The following PRMT2 variants were observed in gnomAD, a reference collection of about 807,000 sequenced individuals.
PRMT2 encodes the protein protein arginine N-methyltransferase 2.
In PRMT2, 26 loss-of-function variants were observed where a neutral mutation model predicts 57.6. The observed-to-expected ratio is 0.45, with a 90% CI of 0.33 to 0.63. The LOEUF is 0.63. Ranked by LOEUF, PRMT2 falls within the 20% of genes least tolerant of loss-of-function variation. PRMT2 has a pLI of 0.02. For missense variants in PRMT2, 472 were observed against 564.4 expected, an observed-to-expected ratio of 0.84 and a Z score of 1.66; for synonymous variants, 219 against 220.0, an observed-to-expected ratio of 1.00 and a Z score of 0.04.
rs1046801719 is a variant in PRMT2 at position 46,649,918 on chromosome 21, G to A, written c.654+179G>A. On this transcript the variant is annotated intron_variant, in intron 7 of 11. Coordinates refer to ENST00000355680, the MANE Select transcript of PRMT2 (RefSeq NM_206962.4). The surrounding 1 kb of genome is among the most constrained non-coding windows in gnomAD (Gnocchi z 4.8). ...GGCTCAGTGTCTTGAATTTTCACCT[G>A]ATTTAAAAAATGCCTTTATGAGAAA... 1.2e-5 allele frequency: 17 copies of A among 1,450,210 alleles called. No homozygotes were observed. Among genetic ancestry groups the A allele is most frequent in the African/African-American group, 1.4e-5 (1 of 69,766 alleles). 89.8% of individuals were successfully genotyped at this position (1,450,210 alleles called of 1,614,324 possible).
chr21:46,652,550 T>C, intron 7 of PRMT2: 1 of 985,454 alleles, frequency 1.0e-6, no homozygotes, highest in African/African-American at 1.7e-5. Context: ...AGTTTTGACC[T>C]GGGAAGTTGG....
chr21:46,664,655 A>T lies in PRMT2; in HGVS notation c.*328A>T, dbSNP rs757260295. On this transcript the variant is annotated 3_prime_UTR_variant, in exon 12 of 12. Transcript: ENST00000355680. ...GTTCCTAAGCTAGGTCTAGGTCTACACTCCTAGGACGCACGCATATCAGCC... is the reference window on the plus strand; with the variant it reads ...GTTCCTAAGCTAGGTCTAGGTCTACTCTCCTAGGACGCACGCATATCAGCC... The T allele has an allele frequency of 2.5e-6, 1 of 407,196 alleles. No homozygotes were observed. Among genetic ancestry groups the T allele is most frequent in the Non-Finnish European group, 4.6e-6 (1 of 219,620 alleles). 25.2% of individuals were successfully genotyped at this position (407,196 alleles called of 1,614,324 possible).
In PRMT2 at chr21:46,649,704, G is replaced by C. The variant is rs983972285; in HGVS notation, c.619G>C (p.Val207Leu). The part of the protein sequence containing the change: ...EDVVLPEKVD[V>L]LVSEWMGTCL... ...TGTGGTGCTGCCCGAGAAGGTGGAC[G>C]TGCTGGTGTCTGAGTGGATGGGGAC... The change falls in exon 7 of 12, where the codon GTG becomes CTG. Residue 207 changes from valine to leucine, a missense_variant. Physicochemically the swap from Val to Leu is conservative, Grantham distance 32 (BLOSUM62 1). Transcript: ENST00000355680. This position sits in a 1 kb window ranked among gnomAD's most constrained non-coding sequence, Gnocchi z 4.8. 4 of 1,613,912 alleles carry C rather than the reference G, an allele frequency of 2.5e-6. No individual in the cohort carries two copies. Among genetic ancestry groups the C allele is most frequent in the Non-Finnish European group, 3.4e-6 (4 of 1,179,982 alleles).
chr21:46,648,213 T>G lies in PRMT2; in HGVS notation c.328-245T>G. 1 of 457,520 alleles carries G rather than the reference T, an allele frequency of 2.2e-6. No homozygotes were observed. The highest frequency in any genetic ancestry group is 3.3e-5 in the East Asian group (1 of 29,944). The allele number at this position is 457,520 out of a possible 1,614,324, so 28.3% of individuals were successfully genotyped here. On this transcript the variant is annotated intron_variant, in intron 5 of 11. Transcript: ENST00000355680. The surrounding 1 kb of genome is among the most constrained non-coding windows in gnomAD (Gnocchi z 4.8). ...TCTTTGTCATACATGGTTGTGCACC[T>G]TTCTTGTTAAATTTGTTCCTAGGTA... is the stretch of plus-strand genomic sequence containing the variant.
At position 46,661,853 on chromosome 21, in the gene PRMT2, C is replaced by T; in HGVS notation, c.1014C>T (p.Gly338=). The T allele has an allele frequency of 2.0e-6, 3 of 1,516,068 alleles. No individual in the cohort carries two copies. Among genetic ancestry groups the T allele is most frequent in the Non-Finnish European group, 2.7e-6 (3 of 1,126,564 alleles). 93.9% of individuals were successfully genotyped at this position (1,516,068 alleles called of 1,614,324 possible). Reference sequence around the variant, plus strand: ...TCAGGAAGGCGGGGACCCTGCACGGCTTCACGGCCTGGTTTAGCGTCCACT... The same window carrying T: ...TCAGGAAGGCGGGGACCCTGCACGGTTTCACGGCCTGGTTTAGCGTCCACT... ...FDIRKAGTLH[G]FTAWFSVHFQ... is the part of the protein sequence containing the mutation. The change falls in exon 10 of 12, where the codon GGC becomes GGT. Residue 338 remains glycine, a synonymous_variant. Transcript: ENST00000355680.
chr21:46,636,000 G>C (rs1233709963), intron 1 of PRMT2: 1 of 152,720 alleles, frequency 6.5e-6, no homozygotes, highest in East Asian at 1.9e-4. Context: ...CCGCCGTCCA[G>C]CGCCTTCTAC....
At chr21:46,653,349 C>G in intron 7 of PRMT2, 1 of 985,422 alleles carries the variant, frequency 1.0e-6, no homozygotes, top group Non-Finnish European at 1.2e-6. Flanking sequence ...ACCAATAACA[C>G]TTCAGACTTC....
At chr21:46,664,225 AT>A (rs1260477909) in intron 11 of PRMT2, 69 bp from the exon 12 acceptor site, 6 of 1,346,350 alleles carry the variant, frequency 4.5e-6, no homozygotes, top group Non-Finnish European at 6.4e-6. Context: ...ATATTAAACC[AT>A]TAGGAAATGT....
intron 7 of PRMT2, chr21:46,651,699 T>C (rs1483363630): frequency 7.8e-7 from 1 of 1,289,666 alleles, no homozygotes; most frequent in Non-Finnish European, 1.1e-6. Flanking sequence ...CAAGAGTTCC[T>C]ATGGCGATAG....
chr21:46,656,593 C>A (rs1471437477), intron 7 of PRMT2, among the ~76,000 whole-genome samples: 2 of 152,100 alleles, frequency 1.3e-5, no homozygotes, highest in African/African-American at 4.8e-5. Flanking sequence ...AAAAGACAGT[C>A]TTTTCAGCAA....
rs1036327486 is a variant in PRMT2 at position 46,643,653 on chromosome 21, G to A, written c.144+14G>A. 1 of 1,593,502 alleles carries A rather than the reference G, an allele frequency of 6.3e-7. No individual in the cohort carries two copies. Among genetic ancestry groups the A allele is most frequent in the African/African-American group, 1.4e-5 (1 of 73,756 alleles). On this transcript the variant is annotated intron_variant, in intron 4 of 11. Coordinates refer to ENST00000355680, the MANE Select transcript of PRMT2 (RefSeq NM_206962.4). ...GATGAGACCCAGGTAGCCACACGTGGTGGTTAATGCTTTATGGCTTTCAGC... is the reference window on the plus strand; with the variant it reads ...GATGAGACCCAGGTAGCCACACGTGATGGTTAATGCTTTATGGCTTTCAGC...
chr21:46,640,925 A>G (rs1306834776), intron 3 of PRMT2, among the ~76,000 whole-genome samples: 1 of 151,702 alleles, frequency 6.6e-6, no homozygotes, highest in Non-Finnish European at 1.5e-5. Context: ...CTGATCATAA[A>G]CAAGATAACT....
rs148075005 is a variant in PRMT2, at chr21:46,649,691, C to T, written c.606C>T (p.Pro202=). ...AGAAGGTGGAGGATGTGGTGCTGCC[C>T]GAGAAGGTGGACGTGCTGGTGTCTG... ...YQQKVEDVVL[P]EKVDVLVSEW... is the part of the protein sequence containing the mutation. The change falls in exon 7 of 12, where the codon CCC becomes CCT. Residue 202 remains proline (P), a synonymous_variant. Transcript: ENST00000355680. The surrounding 1 kb of genome is among the most constrained non-coding windows in gnomAD (Gnocchi z 4.8). 2,810 of 1,613,802 alleles carry T rather than the reference C, an allele frequency of 1.7e-3. 71 individuals carry two copies. The Admixed American group carries it at 0.041, about 24-fold the overall frequency.
chr21:46,661,983 G>A, intron 10 of PRMT2, 47 bp downstream of exon 10: 1 of 265,142 alleles, frequency 3.8e-6, no homozygotes, highest in Non-Finnish European at 5.0e-6. Flanking sequence ...GGGGGCAGGG[G>A]AGTAGGCGGG....
At position 46,648,713 on chromosome 21, in the gene PRMT2, G is replaced by A; in HGVS notation, c.489+94G>A. 1 of 1,482,196 alleles carries A rather than the reference G, an allele frequency of 6.7e-7. No homozygotes were observed. The highest frequency in any genetic ancestry group is 9.2e-7 in the Non-Finnish European group (1 of 1,084,256). The allele number at this position is 1,482,196 out of a possible 1,614,324, so 91.8% of individuals were successfully genotyped here. A position where few individuals can be genotyped will look rare whatever the true frequency, so the allele number is the denominator to read the frequency against. On this transcript the variant is annotated intron_variant, in intron 6 of 11. Coordinates refer to ENST00000355680, the MANE Select transcript of PRMT2 (RefSeq NM_206962.4). The surrounding 1 kb of genome is among the most constrained non-coding windows in gnomAD (Gnocchi z 4.8). ...GTGTGCTGACTTGTGACCCTGAGCTGTTGGGGGCTCACCGGTGACTCCATG... is the reference window on the plus strand; with the variant it reads ...GTGTGCTGACTTGTGACCCTGAGCTATTGGGGGCTCACCGGTGACTCCATG...
At chr21:46,663,693 A>G in intron 11 of PRMT2, 139 bp downstream of exon 11, 1 of 857,288 alleles carries the variant, frequency 1.2e-6, no homozygotes, top group East Asian at 2.7e-5. Context: ...ATCCTTACAC[A>G]GAAAGCGCCT....
At chr21:46,662,436 C>T (rs966648133) in intron 10 of PRMT2, among the ~76,000 whole-genome samples, 3 of 152,176 alleles carry the variant, frequency 2.0e-5, no homozygotes, top group Non-Finnish European at 4.4e-5. Flanking sequence ...CCGCTGACTT[C>T]CCAGCGTGGT....
Position 46,644,291 on chromosome 21 carries a change from C to CA in PRMT2, c.145-15_145-14insA. ...GACTGGTTTTCTTATTGAATTTTAA[C>CA]TTTTTTTTTTCCAGCTCAGTTTTTT... On this transcript the variant is annotated splice_polypyrimidine_tract_variant and intron_variant, in intron 4 of 11. Transcript: ENST00000355680. 6.8e-7 allele frequency: 1 copy of CA among 1,481,204 alleles called. No individual in the cohort carries two copies. The highest frequency in any genetic ancestry group is 9.2e-7 in the Non-Finnish European group (1 of 1,086,528). The allele number at this position is 1,481,204 out of a possible 1,614,324, so 91.8% of individuals were successfully genotyped here.
intron 10 of PRMT2, among the ~76,000 whole-genome samples, chr21:46,662,326 C>T (rs1326475170): frequency 1.3e-5 from 2 of 152,210 alleles, no homozygotes; most frequent in Admixed American, 1.3e-4. Context: ...GGACACATTT[C>T]CCCGCCAGCA....
Sources: gnomAD v4.1 joint callset for allele counts (sites outside exome capture counted in the v4.1 genomes callset) on GRCh38, gnomAD v4.1.1 for gene constraint, Gnocchi (gnomAD v3.1) non-coding constraint, MANE v1.5 for transcripts, NCBI Gene and HGNC (gene_info 2026-07-23, HGNC 2026-07-21) for gene names.